The following SMPD3 variants were observed in gnomAD, a reference collection of about 807,000 sequenced individuals.
The protein encoded by SMPD3 is sphingomyelin phosphodiesterase 3.
A neutral mutation model predicts 55.7 loss-of-function variants in SMPD3; 21 were observed. The observed-to-expected ratio is 0.38, with a 90% confidence interval of 0.27 to 0.54. The LOEUF is 0.54. Among genes scored for constraint, SMPD3 ranks in the 20% least tolerant of loss-of-function variants. The pLI, the probability that SMPD3 is intolerant of heterozygous loss-of-function variation, is 0.80. For synonymous variants in SMPD3, 457 were observed against 404.3 expected (o/e 1.13, Z -1.56); for missense variants, 842 against 899.6 (o/e 0.94, Z 0.82).
chr16:68,370,992 C>T lies in SMPD3; in HGVS notation c.1190G>A (p.Cys397Tyr). 1 of 1,614,006 alleles carries T rather than the reference C, an allele frequency of 6.2e-7. No individual in the cohort carries two copies. The highest frequency in any genetic ancestry group is 2.2e-5 in the East Asian group (1 of 44,884). ...GCTGTTGAGACACTTGAAGCTGCAG[C>T]AGCCCTGGCAGCCGTAGACCCCGAC... The part of the protein sequence containing the change: ...YDVGVYGCQG[C>Y]CSFKCLNSGL... The change falls in exon 3 of 9, where the codon TGC (cysteine) becomes TAC (tyrosine). Residue 397 changes from cysteine (C) to tyrosine (Y), a missense_variant. Transcript: ENST00000219334.
At chr16:68,373,329 G>A (rs1364076973) in intron 2 of SMPD3, among the ~76,000 whole-genome samples, 3 of 152,242 alleles carry the variant, frequency 2.0e-5, no homozygotes. Context: ...TGCATCTATT[G>A]TGCTGAATGT....
intron 1 of SMPD3, among the ~76,000 whole-genome samples, chr16:68,432,909 T>G (rs908126583): frequency 6.6e-6 from 1 of 152,122 alleles, no homozygotes; most frequent in African/African-American, 2.4e-5. Context: ...GCTCAAGTGA[T>G]CCTCTCACCT....
In SMPD3 at chr16:68,358,398, C is replaced by T. The variant is rs578080723; in HGVS notation, c.*2808G>A. On this transcript the variant is annotated 3_prime_UTR_variant, in exon 9 of 9. Transcript: ENST00000219334. ...CAGCACCAGTAAGGAAAAAGAACACCTCTCTTCGCAAAATATTTTATCAGG... is the reference window on the plus strand; with the variant it reads ...CAGCACCAGTAAGGAAAAAGAACACTTCTCTTCGCAAAATATTTTATCAGG... 1 of 152,832 alleles carries T rather than the reference C, an allele frequency of 6.5e-6. No homozygotes were observed. Among genetic ancestry groups the T allele is most frequent in the Admixed American group, 6.5e-5 (1 of 15,308 alleles). The allele number at this position is 152,832 out of a possible 1,614,324, so 9.5% of individuals were successfully genotyped here. A position where few individuals can be genotyped will look rare whatever the true frequency, so the allele number is the denominator to read the frequency against.
chr16:68,361,671 T>G lies in SMPD3; in HGVS notation c.1798A>C (p.Lys600Gln), dbSNP rs143462705. The G allele has an allele frequency of 2.5e-6, 4 of 1,612,664 alleles. No homozygotes were observed. The African/African-American group carries it at 5.3e-5, about 22-fold the overall frequency. The change falls in exon 8 of 9, where the codon AAG (lysine) becomes CAG (glutamine). Residue 600 changes from lysine to glutamine, a missense_variant. Physicochemically the swap from Lys to Gln is moderately conservative, Grantham distance 53. Transcript: ENST00000219334. The stretch of plus-strand genomic sequence containing the variant: ...TAGTCGATGCGCCGGCCGTTGCCCT[T>G]CAGCAGCTCCTTCCGCCCCTTCTGG... ...SGQKGRKELL[K>Q]GNGRRIDYML...
intron 2 of SMPD3, among the ~76,000 whole-genome samples, chr16:68,378,201 A>C (rs572334920): frequency 1.3e-5 from 2 of 152,326 alleles, no homozygotes; most frequent in East Asian, 3.9e-4. Flanking sequence ...GCTCCAATCC[A>C]ATTACCCAAG....
chr16:68,363,779 A>G lies in SMPD3; in HGVS notation c.1643T>C (p.Ile548Thr). 2 of 1,562,774 alleles carry G rather than the reference A, an allele frequency of 1.3e-6. No homozygotes were observed. Among genetic ancestry groups the G allele is most frequent in the Non-Finnish European group, 1.7e-6 (2 of 1,153,746 alleles). Residue 548 changes from isoleucine to threonine, a missense_variant and splice_region_variant, in exon 6 of 9, where the codon ATC becomes ACC. Ile to Thr is a moderately conservative substitution (Grantham distance 89). This residue lies in a region of SMPD3 where 649 missense variants were observed against 643.6 expected (regional missense o/e 1.01). Transcript: ENST00000219334. The stretch of plus-strand genomic sequence containing the variant: ...CTCCTCCCCCAGCCCCAGCTCACCG[A>G]TGGCCCACGGCTTCTCCTCACCAGG... ...LGPGEEKPWA[I>T]GTLLDTNGLY...
intron 2 of SMPD3, among the ~76,000 whole-genome samples, chr16:68,381,578 A>G (rs1395965462): frequency 6.6e-6 from 1 of 152,074 alleles, no homozygotes; most frequent in African/African-American, 2.4e-5. Context: ...AGTGAAAGTG[A>G]TCTCGGGTAT....
rs144382871 is a variant in SMPD3 at position 68,427,857 on chromosome 16, C to T, written c.-269+20496G>A. 2.0e-3 allele frequency among the ~76,000 whole-genome samples: 302 copies of T among 152,066 alleles called. 4 individuals are homozygous for T. Among genetic ancestry groups the T allele is most frequent in the South Asian group, 0.012 (58 of 4,816 alleles). On this transcript the variant is annotated intron_variant, in intron 1 of 8. Coordinates refer to ENST00000219334, the MANE Select transcript of SMPD3 (RefSeq NM_018667.4). ...AAGGGAGTGGGCAGGACAGAGGGGACGGGAGGAGCTTGGCAAGCGGGGGCA... is the reference window on the plus strand; with the variant it reads ...AAGGGAGTGGGCAGGACAGAGGGGATGGGAGGAGCTTGGCAAGCGGGGGCA...
chr16:68,390,608 C>T (rs2090102751), intron 1 of SMPD3, among the ~76,000 whole-genome samples: 1 of 152,220 alleles, frequency 6.6e-6, no homozygotes, highest in Non-Finnish European at 1.5e-5. Context: ...CTGCAGTGAG[C>T]TGTGATGGCG....
chr16:68,421,296 C>T (rs537802076), intron 1 of SMPD3, among the ~76,000 whole-genome samples: 1 of 152,240 alleles, frequency 6.6e-6, no homozygotes, highest in African/African-American at 2.4e-5. Context: ...CACCTGCTTT[C>T]TGTGGCTCTG....
intron 1 of SMPD3, among the ~76,000 whole-genome samples, chr16:68,413,155 C>T (rs549022248): frequency 6.6e-6 from 1 of 152,334 alleles, no homozygotes; most frequent in Admixed American, 6.5e-5. Flanking sequence ...ATGCACAGGG[C>T]CTGAGTTTCG....
Position 68,365,025 on chromosome 16 carries a change from G to C in SMPD3, c.1391C>G (p.Ala464Gly). The change falls in exon 4 of 9, where the codon GCC becomes GGC. Residue 464 changes from alanine to glycine, a missense_variant. Around this residue, in one of 2 missense-constraint regions of SMPD3, gnomAD observed 649 missense variants for 643.6 expected, o/e 1.01. Transcript: ENST00000219334. Reference protein sequence around the residue: ...VGYIACTHLHAPQEDSAIRCG... With the variant: ...VGYIACTHLHGPQEDSAIRCG... ...GTGGGCGGCAACCCTACCTTGCGGG[G>C]CATGCAGGTGTGTGCAGGCGATGTA... 6.2e-7 allele frequency: 1 copy of C among 1,614,114 alleles called. No homozygotes were observed. The highest frequency in any genetic ancestry group is 8.5e-7 in the Non-Finnish European group (1 of 1,179,996).
intron 7 of SMPD3, 131 bp from the exon 8 acceptor site, chr16:68,361,890 A>C: frequency 1.5e-6 from 2 of 1,344,994 alleles, no homozygotes; most frequent in Admixed American, 2.5e-5. Flanking sequence ...TGGGTTTAAG[A>C]TCTCTCCCCT....
rs1034280722 is a variant in SMPD3, at chr16:68,363,804, G to A, written c.1618C>T (p.Pro540Ser). ...THYRDPCRLG[P>S]GEEKPWAIGT... Reference sequence around the variant, plus strand: ...ATGGCCCACGGCTTCTCCTCACCAGGCCCCAGGCGGCAGGGGTCCCTGTAG... The same window carrying A: ...ATGGCCCACGGCTTCTCCTCACCAGACCCCAGGCGGCAGGGGTCCCTGTAG... Residue 540 changes from proline to serine, a missense_variant, in exon 6 of 9, where the codon CCT becomes TCT. By Grantham distance (74) the Pro-to-Ser change is moderately conservative. Coordinates refer to ENST00000219334, the MANE Select transcript of SMPD3 (RefSeq NM_018667.4). The A allele has an allele frequency of 4.5e-6, 7 of 1,569,954 alleles. No individual in the cohort carries two copies. The African/African-American group carries it at 8.1e-5, about 18-fold the overall frequency.
intron 1 of SMPD3, among the ~76,000 whole-genome samples, chr16:68,433,167 G>A (rs201011580): frequency 2.0e-5 from 3 of 152,186 alleles, no homozygotes; most frequent in Non-Finnish European, 4.4e-5. Flanking sequence ...GAGAGCCATT[G>A]GTTTTATTTT....
chr16:68,421,848 C>A (rs2090397669), intron 1 of SMPD3, among the ~76,000 whole-genome samples: 1 of 152,190 alleles, frequency 6.6e-6, no homozygotes, highest in Non-Finnish European at 1.5e-5. Context: ...GAAAGATGTC[C>A]ATATCCTAAT....
Position 68,363,870 on chromosome 16 carries a change from T to C in SMPD3, c.1556-4A>G. 6.4e-7 allele frequency: 1 copy of C among 1,558,434 alleles called. No homozygotes were observed. The highest frequency in any genetic ancestry group is 8.7e-7 in the Non-Finnish European group (1 of 1,151,144). ...TGTTGCTGCTCCAGCTTGTCGTCTG[T>C]GCGGGGAGGGAGGAAACGCTGAGGC... On this transcript the variant is annotated splice_polypyrimidine_tract_variant and splice_region_variant and intron_variant, in intron 5 of 8. Transcript: ENST00000219334.
intron 6 of SMPD3, 38 bp from the exon 7 acceptor site, chr16:68,363,597 C>A (rs2089382634): frequency 6.3e-7 from 1 of 1,597,926 alleles, no homozygotes. Flanking sequence ...TCGCTGCAGG[C>A]AGGGCCCAGG....
intron 1 of SMPD3, among the ~76,000 whole-genome samples, chr16:68,420,408 G>T (rs920919262): frequency 1.3e-5 from 2 of 152,212 alleles, no homozygotes; most frequent in African/African-American, 2.4e-5. Flanking sequence ...CACTCAGCCT[G>T]GTACGGAGCC....
Sources: allele counts gnomAD v4.1 joint callset (sites outside exome capture counted in the v4.1 genomes callset), GRCh38; gene constraint gnomAD v4.1.1; regional missense constraint gnomAD v4.1.1; transcripts MANE v1.5; gene names NCBI Gene and HGNC (gene_info 2026-07-23, HGNC 2026-07-21).